MBTPS2: variants seen among roughly 807,000 people sequenced by gnomAD.
MBTPS2 encodes membrane-bound transcription factor site-2 protease.
A neutral mutation model predicts 35.4 loss-of-function variants in MBTPS2; 2 were observed. The ratio of observed to expected loss-of-function variants is 0.06; its 90% CI spans 0.02 to 0.18. The LOEUF is 0.18. MBTPS2 is among the 10% of genes least tolerant of loss of function. MBTPS2 has a pLI of 1.00. For synonymous variants in MBTPS2, 125 were observed against 140.4 expected (o/e 0.89, Z 0.77); for missense variants, 244 against 386.5 (o/e 0.63, Z 3.09).
chrX:21,863,608 G>T (rs1346441599), intron 5 of MBTPS2, among the ~76,000 whole-genome samples: 1 of 111,509 alleles, frequency 9.0e-6, no homozygotes, highest in Non-Finnish European at 1.9e-5. Context: ...TCATATTAGG[G>T]TTAAAATGTA....
At chrX:21,847,682 AT>A (rs996272380) in intron 3 of MBTPS2, among the ~76,000 whole-genome samples, 6 of 112,418 alleles carry the variant, frequency 5.3e-5, no homozygotes, top group African/African-American at 1.9e-4. Flanking sequence ...AAGCTTACTG[AT>A]TTATTTGAAA....
chrX:21,868,378 T>A, intron 5 of MBTPS2, 89 bp from the exon 6 acceptor site: 1 of 606,826 alleles, frequency 1.6e-6, no homozygotes, highest in Non-Finnish European at 2.9e-6. Context: ...TTTATTAATT[T>A]ATCAGAATGC....
chrX:21,865,793 GT>G (rs1187639165), intron 5 of MBTPS2, among the ~76,000 whole-genome samples: 69 of 110,957 alleles, frequency 6.2e-4, no homozygotes, highest in Middle Eastern at 4.6e-3. Flanking sequence ...GGTAGTTGTG[GT>G]TTTTTTTTAT....
In MBTPS2 at chrX:21,856,706, C is replaced by T. The variant is rs762811083; in HGVS notation, c.670+3203C>T. 1.4e-5 allele frequency: 17 copies of T among 1,211,604 alleles called. No individual in the cohort carries two copies. The Admixed American group carries it at 3.3e-4, about 23-fold the overall frequency. ...TCACGAACACGGGCTATGGCGACCA[C>T]GACCAGGAAATGCTTATGTTGCAGA... On this transcript the variant is annotated intron_variant, in intron 5 of 10. Coordinates refer to ENST00000379484, the MANE Select transcript of MBTPS2 (RefSeq NM_015884.4).
At chrX:21,859,603 G>A (rs938890591) in intron 5 of MBTPS2, among the ~76,000 whole-genome samples, 1 of 109,108 alleles carries the variant, frequency 9.2e-6, no homozygotes, top group African/African-American at 3.3e-5. Flanking sequence ...AGTACATCCT[G>A]TGTAATAGAA....
At chrX:21,870,425 G>T (rs969227624) in intron 7 of MBTPS2, 1 of 111,123 alleles carries the variant, frequency 9.0e-6, no homozygotes, top group Non-Finnish European at 1.9e-5. Flanking sequence ...GATAAACAAC[G>T]ATAGTTAACA....
At chrX:21,840,246 C>G (rs113833962) in intron 1 of MBTPS2, among the ~76,000 whole-genome samples, 4 of 112,733 alleles carry the variant, frequency 3.5e-5, no homozygotes, top group African/African-American at 9.6e-5. Flanking sequence ...AATCAGTAGT[C>G]TCAAATTTTT....
intron 10 of MBTPS2, among the ~76,000 whole-genome samples, chrX:21,882,140 T>TG (rs1397390905): frequency 8.9e-6 from 1 of 112,169 alleles, no homozygotes; most frequent in Non-Finnish European, 1.9e-5. Flanking sequence ...CTTTCCCTGT[T>TG]GTATCATTAA....
chrX:21,839,929 G>C, intron 1 of MBTPS2, 120 bp downstream of exon 1: 1 of 683,565 alleles, frequency 1.5e-6, no homozygotes, highest in Non-Finnish European at 2.3e-6. Context: ...GCGACAGTCC[G>C]CGTGGTGGAT....
intron 5 of MBTPS2, among the ~76,000 whole-genome samples, chrX:21,859,457 A>T (rs1354533871): frequency 2.1e-5 from 2 of 96,233 alleles, no homozygotes; most frequent in African/African-American, 3.8e-5. Context: ...GTACTAGTTT[A>T]AACCTATTTT....
chrX:21,879,949 C>CTTTTTTTTTTCTTTTTTTTTTTT (rs2092957299), intron 9 of MBTPS2, among the ~76,000 whole-genome samples: 1 of 47,425 alleles, frequency 2.1e-5, no homozygotes, highest in African/African-American at 1.3e-4. Context: ...TTATGTTATT[C>CTTTTTTTTTTCTTTTTTTTTTTT]TTTTTTTTTT....
chrX:21,842,769 C>A (rs1304284367), intron 1 of MBTPS2, among the ~76,000 whole-genome samples: 1 of 112,220 alleles, frequency 8.9e-6, no homozygotes, highest in African/African-American at 3.2e-5. Flanking sequence ...TTGGACAACA[C>A]TGTTCTAAGC....
At chrX:21,865,352 A>AT (rs1443219104) in intron 5 of MBTPS2, among the ~76,000 whole-genome samples, 1 of 111,788 alleles carries the variant, frequency 8.9e-6, no homozygotes, top group Non-Finnish European at 1.9e-5. Flanking sequence ...GGTGTATAGA[A>AT]TTTTTAGAAG....
chrX:21,879,230 A>G (rs764520603), intron 9 of MBTPS2, among the ~76,000 whole-genome samples: 5 of 111,892 alleles, frequency 4.5e-5, no homozygotes, highest in Non-Finnish European at 9.4e-5. Flanking sequence ...ATAGTTTACC[A>G]TGCGATTTAC....
chrX:21,845,606 G>T (rs2092907868), intron 3 of MBTPS2, among the ~76,000 whole-genome samples: 1 of 112,128 alleles, frequency 8.9e-6, no homozygotes, highest in African/African-American at 3.2e-5. Flanking sequence ...GAGAACAAAT[G>T]AACCATCATT....
rs778712745 is a variant in MBTPS2 at position 21,882,785 on chromosome X, C to T, written c.*130C>T. ...TTAAAATTACATCTTAGCCAACAACCCTGAGCTCCTCCCATATCCAGAGTA... is the reference window on the plus strand; with the variant it reads ...TTAAAATTACATCTTAGCCAACAACTCTGAGCTCCTCCCATATCCAGAGTA... On this transcript the variant is annotated 3_prime_UTR_variant, in exon 11 of 11. Transcript: ENST00000379484. The T allele has an allele frequency of 2.6e-6, 3 of 1,138,757 alleles. No individual in the cohort carries two copies. In the South Asian group the frequency reaches 6.0e-5, roughly 23 times the overall value. The allele number at this position is 1,138,757 out of a possible 1,213,427, so 93.8% of individuals were successfully genotyped here.
chrX:21,854,787 A>G, intron 5 of MBTPS2, among the ~76,000 whole-genome samples: 1 of 112,208 alleles, frequency 8.9e-6, no homozygotes, highest in Non-Finnish European at 1.9e-5. Context: ...GTGAACACAG[A>G]AGACAATATT....
Position 21,863,096 on chromosome X carries a change from A to T in MBTPS2, c.671-5371A>T, listed in dbSNP as rs1485578531. On this transcript the variant is annotated intron_variant, in intron 5 of 10. Transcript: ENST00000379484. ...AATGGTGAAACCCCTGTCTCTAGAA[A>T]AAAAAACACACACACTAAAAAACTA... 6.3e-5 allele frequency among the ~76,000 whole-genome samples: 6 copies of T among 95,472 alleles called. No homozygotes were observed. In the Admixed American group the frequency reaches 7.3e-4, roughly 12 times the overall value. The allele number at this position is 95,472 out of a possible 115,157, so 82.9% of individuals were successfully genotyped here. A position where few individuals can be genotyped will look rare whatever the true frequency, so the allele number is the denominator to read the frequency against.
chrX:21,852,481 T>A (rs1286791215), intron 4 of MBTPS2, among the ~76,000 whole-genome samples: 1 of 111,109 alleles, frequency 9.0e-6, no homozygotes, highest in African/African-American at 3.3e-5. Flanking sequence ...TGCACAATAG[T>A]GGCTTAAAGT....
Sources: allele counts gnomAD v4.1 joint callset (sites outside exome capture counted in the v4.1 genomes callset), GRCh38; gene constraint gnomAD v4.1.1; transcripts MANE v1.5; gene names NCBI Gene and HGNC (gene_info 2026-07-23, HGNC 2026-07-21).